ATAD2B: variants seen among roughly 807,000 people sequenced by gnomAD.
ATAD2B encodes ATPase family AAA domain containing 2B, also known as ATPase family AAA domain-containing protein 2B.
A neutral mutation model predicts 167.6 loss-of-function variants in ATAD2B; 40 were observed. That is an observed-to-expected ratio of 0.24 (90% CI 0.19 to 0.31). The LOEUF is 0.31. Ranked by LOEUF, ATAD2B falls within the 10% of genes least tolerant of loss-of-function variation. The probability of loss-of-function intolerance (pLI) is 1.00; values close to 1 mark genes in which losing one functional copy is unlikely to be tolerated. For synonymous variants in ATAD2B, 579 were observed against 596.5 expected (o/e 0.97, Z 0.43); for missense variants, 1,242 against 1,757.2 (o/e 0.71, Z 5.24).
chr2:23,703,106 C>T, the ATAD2B span: 113 of 1,039,080 alleles, frequency 1.1e-4, no homozygotes, highest in Non-Finnish European at 1.3e-4. Flanking sequence ...GAGCAGATGG[C>T]AGTTTGCTGC....
chr2:23,690,688 A>C, the ATAD2B span: 3 of 151,954 alleles, frequency 2.0e-5, no homozygotes, highest in African/African-American at 7.3e-5. Flanking sequence ...CCGCCTCCGG[A>C]CTCCTAACGC....
intron 13 of ATAD2B, among the ~76,000 whole-genome samples, chr2:23,844,087 C>T (rs1291019399): frequency 6.6e-6 from 1 of 151,970 alleles, no homozygotes; most frequent in African/African-American, 2.4e-5. Context: ...TACAGGCACC[C>T]GCCACCATGC....
chr2:23,883,749 A>G, intron 6 of ATAD2B: 1 of 406,584 alleles, frequency 2.5e-6, no homozygotes, highest in Non-Finnish European at 4.4e-6. Context: ...AGTCTTCTCA[A>G]TCTAAACTAC....
chr2:23,836,156 G>T (rs964042634), intron 13 of ATAD2B, among the ~76,000 whole-genome samples: 8 of 152,164 alleles, frequency 5.3e-5, no homozygotes, highest in Admixed American at 5.2e-4. Flanking sequence ...GGCAGCAAGG[G>T]GTGTTTGAGA....
At chr2:23,925,242 T>C (rs1014526099) in intron 1 of ATAD2B, among the ~76,000 whole-genome samples, 1 of 152,198 alleles carries the variant, frequency 6.6e-6, no homozygotes, top group African/African-American at 2.4e-5. Context: ...AAGAGAGCTG[T>C]AAGCCCCCAA....
intron 8 of ATAD2B, among the ~76,000 whole-genome samples, chr2:23,873,412 C>T (rs77818458): frequency 0.013 from 1,979 of 152,270 alleles, 55 homozygotes; most frequent in African/African-American, 0.045. Context: ...CTTGCGAATA[C>T]CAAAATTCAA....
At chr2:23,810,020 T>G (rs967499882) in intron 18 of ATAD2B, among the ~76,000 whole-genome samples, 3 of 152,064 alleles carry the variant, frequency 2.0e-5, no homozygotes, top group Non-Finnish European at 4.4e-5. Flanking sequence ...GACCACAACT[T>G]TGAACAGAGG....
At chr2:23,877,633 A>T (rs952590046) in intron 7 of ATAD2B, among the ~76,000 whole-genome samples, 7 of 150,548 alleles carry the variant, frequency 4.6e-5, no homozygotes, top group Non-Finnish European at 1.0e-4. Flanking sequence ...GCACTTTGGG[A>T]GGCTAAGGCG....
chr2:23,849,995 T>A (rs1692303395), intron 13 of ATAD2B, among the ~76,000 whole-genome samples: 2 of 151,754 alleles, frequency 1.3e-5, no homozygotes, highest in Admixed American at 1.3e-4. Flanking sequence ...CAAAAAAAAT[T>A]AGCTGGGTGT....
At chr2:23,709,909 G>A in the ATAD2B span, among the ~76,000 whole-genome samples, 1 of 152,114 alleles carries the variant, frequency 6.6e-6, no homozygotes, top group Non-Finnish European at 1.5e-5. Context: ...ACATTCTCTG[G>A]GTCTACGAAG....
chr2:23,914,341 A>C (rs966929573), intron 1 of ATAD2B, among the ~76,000 whole-genome samples: 2 of 152,176 alleles, frequency 1.3e-5, no homozygotes, highest in Admixed American at 1.3e-4. Context: ...AAACTCACGA[A>C]TCTCTAATTA....
chr2:23,726,005 C>A, the ATAD2B span, among the ~76,000 whole-genome samples: 4 of 151,864 alleles, frequency 2.6e-5, no homozygotes, highest in African/African-American at 9.7e-5. Context: ...ACACACACAC[C>A]CAAAAAGACT....
chr2:23,854,200 G>A (rs531194591), intron 13 of ATAD2B, among the ~76,000 whole-genome samples: 4 of 151,972 alleles, frequency 2.6e-5, no homozygotes, highest in East Asian at 1.9e-4. Flanking sequence ...AGCTGAGATC[G>A]CGCGACTGCA....
chr2:23,716,819 C>T, the ATAD2B span, among the ~76,000 whole-genome samples: 1 of 152,198 alleles, frequency 6.6e-6, no homozygotes. Context: ...GTGCTGGTGC[C>T]ACTATGAATA....
chr2:23,752,344 G>A (rs1289234078), intron 27 of ATAD2B, among the ~76,000 whole-genome samples: 1 of 151,816 alleles, frequency 6.6e-6, no homozygotes, highest in African/African-American at 2.4e-5. Flanking sequence ...TATTATGCCA[G>A]TAATATCAGT....
At chr2:23,728,937 T>C in the ATAD2B span, among the ~76,000 whole-genome samples, 6 of 152,154 alleles carry the variant, frequency 3.9e-5, no homozygotes, top group Non-Finnish European at 8.8e-5. Context: ...CAAGCATGGC[T>C]GGGGAGGCCT....
chr2:23,839,880 C>A (rs1367947741), intron 13 of ATAD2B, among the ~76,000 whole-genome samples: 1 of 151,890 alleles, frequency 6.6e-6, no homozygotes, highest in Non-Finnish European at 1.5e-5. Flanking sequence ...CCATACTGAC[C>A]CTCCTTGGCC....
At chr2:23,866,203 C>T (rs1255017265) in intron 10 of ATAD2B, among the ~76,000 whole-genome samples, 4 of 152,102 alleles carry the variant, frequency 2.6e-5, no homozygotes, top group African/African-American at 7.2e-5. Context: ...CTTAGGAGTT[C>T]GAGACCAGCT....
At chr2:23,713,897 C>T in the ATAD2B span, among the ~76,000 whole-genome samples, 1 of 152,246 alleles carries the variant, frequency 6.6e-6, no homozygotes, top group East Asian at 1.9e-4. Context: ...CTGCTATGAA[C>T]AGTGGTATAC....
Sources: allele counts gnomAD v4.1 joint callset (sites outside exome capture counted in the v4.1 genomes callset), GRCh38; gene constraint gnomAD v4.1.1; transcripts MANE v1.5; gene names NCBI Gene and HGNC (gene_info 2026-07-23, HGNC 2026-07-21).